Variants in PAGE2B observed in about 807,000 individuals in gnomAD.
PAGE2B encodes putative G antigen family E member 3.
Under a neutral mutation model 7.6 loss-of-function variants are expected in PAGE2B, and 5 were observed. The observed-to-expected ratio is 0.66, with a 90% CI of 0.34 to 1.38. The LOEUF (loss-of-function observed/expected upper bound fraction) is 1.38. PAGE2B is among the 40% of genes most tolerant of loss of function. PAGE2B has a pLI of 0.04. For synonymous variants in PAGE2B, 29 were observed against 26.7 expected (o/e 1.09, Z -0.27); for missense variants, 70 against 78.4 (o/e 0.89, Z 0.41).
the PAGE2B span, among the ~76,000 whole-genome samples, chrX:55,037,249 A>G: frequency 8.9e-6 from 1 of 112,349 alleles, no homozygotes; most frequent in Admixed American, 9.4e-5. Flanking sequence ...AAGGATATGA[A>G]CAGACACTTC....
chrX:55,073,994 G>T (rs1936475970), upstream of PAGE2B, among the ~76,000 whole-genome samples: 1 of 111,521 alleles, frequency 9.0e-6, no homozygotes, highest in African/African-American at 3.3e-5. Flanking sequence ...TTTGACTTGT[G>T]TGAAAAACAT....
the PAGE2B span, among the ~76,000 whole-genome samples, chrX:55,034,469 T>A: frequency 9.0e-6 from 1 of 111,193 alleles, no homozygotes; most frequent in Non-Finnish European, 1.9e-5. Context: ...TTTCAAAATA[T>A]CATAGAGTAA....
the PAGE2B span, among the ~76,000 whole-genome samples, chrX:55,030,297 C>T: frequency 1.8e-5 from 2 of 111,644 alleles, no homozygotes; most frequent in East Asian, 5.6e-4. Context: ...CACTACATTC[C>T]TCTTCCACTT....
chrX:55,050,897 T>C, the PAGE2B span, among the ~76,000 whole-genome samples: 1 of 111,937 alleles, frequency 8.9e-6, no homozygotes, highest in South Asian at 3.8e-4. Context: ...CAGTTTCTTC[T>C]TAGCCTTGAT....
the PAGE2B span, among the ~76,000 whole-genome samples, chrX:55,050,149 T>G: frequency 8.9e-6 from 1 of 112,657 alleles, no homozygotes; most frequent in Non-Finnish European, 1.9e-5. Context: ...GAGTTCTAGT[T>G]TGATTGCACT....
chrX:55,048,420 A>G, the PAGE2B span, among the ~76,000 whole-genome samples: 3 of 111,538 alleles, frequency 2.7e-5, no homozygotes, highest in Non-Finnish European at 5.6e-5. Context: ...CACAATATTG[A>G]TTCTTCCTAC....
the PAGE2B span, among the ~76,000 whole-genome samples, chrX:55,053,254 G>A: frequency 2.7e-5 from 3 of 111,639 alleles, no homozygotes; most frequent in East Asian, 8.4e-4. Flanking sequence ...ATCATCCTCA[G>A]CAAACTAACA....
At chrX:55,033,534 C>T in the PAGE2B span, among the ~76,000 whole-genome samples, 1 of 111,648 alleles carries the variant, frequency 9.0e-6, no homozygotes, top group African/African-American at 3.3e-5. Context: ...GCTCATGTAG[C>T]GTGTCCAAAG....
At chrX:55,048,818 C>T in the PAGE2B span, among the ~76,000 whole-genome samples, 8 of 111,338 alleles carry the variant, frequency 7.2e-5, no homozygotes, top group African/African-American at 2.6e-4. Context: ...GCCTGATTGC[C>T]CTGGCCAGAA....
At chrX:55,053,684 C>T in the PAGE2B span, among the ~76,000 whole-genome samples, 1 of 111,560 alleles carries the variant, frequency 9.0e-6, no homozygotes, top group Admixed American at 9.5e-5. Context: ...GAATTCTTCC[C>T]ATGTCCATTT....
the PAGE2B span, among the ~76,000 whole-genome samples, chrX:55,028,296 C>A: frequency 9.0e-6 from 1 of 111,135 alleles, no homozygotes; most frequent in Non-Finnish European, 1.9e-5. Context: ...CCTGGAATCA[C>A]GTCTGAGCAT....
At chrX:55,075,269 C>G (rs187596826) in intron 1 of PAGE2B, among the ~76,000 whole-genome samples, 155 bp downstream of exon 1, 1 of 111,709 alleles carries the variant, frequency 9.0e-6, no homozygotes, top group Non-Finnish European at 1.9e-5. Flanking sequence ...CGGGATGCCA[C>G]CGTGGGACTT....
upstream of PAGE2B, among the ~76,000 whole-genome samples, chrX:55,072,571 G>C (rs908740342): frequency 5.3e-5 from 6 of 112,578 alleles, no homozygotes; most frequent in African/African-American, 1.9e-4. Context: ...CCTTACCAGA[G>C]CTCAAGCACT....
chrX:55,073,159 C>G (rs1936466487), upstream of PAGE2B, among the ~76,000 whole-genome samples: 1 of 111,815 alleles, frequency 8.9e-6, no homozygotes, highest in African/African-American at 3.3e-5. Flanking sequence ...TCTGCCCGAA[C>G]AACTGCCCAG....
chrX:55,072,536 G>A (rs1936459899), upstream of PAGE2B, among the ~76,000 whole-genome samples: 1 of 112,588 alleles, frequency 8.9e-6, no homozygotes, highest in Non-Finnish European at 1.9e-5. Flanking sequence ...AGGGGTCAGG[G>A]ACCCACTTGA....
chrX:55,028,346 G>A, the PAGE2B span, among the ~76,000 whole-genome samples: 1 of 111,082 alleles, frequency 9.0e-6, no homozygotes, highest in Non-Finnish European at 1.9e-5. Flanking sequence ...GTAAGAAATG[G>A]ATGGCCCAGA....
At chrX:55,056,419 A>T in the PAGE2B span, among the ~76,000 whole-genome samples, 1 of 111,140 alleles carries the variant, frequency 9.0e-6, no homozygotes, top group African/African-American at 3.3e-5. Flanking sequence ...CAAGGATTAG[A>T]CTACAGCAAT....
chrX:55,049,017 G>A, the PAGE2B span, among the ~76,000 whole-genome samples: 1 of 111,264 alleles, frequency 9.0e-6, no homozygotes, highest in Non-Finnish European at 1.9e-5. Flanking sequence ...TAGCATGAAG[G>A]GTTGTTGAAT....
chrX:55,066,564 G>T, the PAGE2B span, among the ~76,000 whole-genome samples: 5 of 111,613 alleles, frequency 4.5e-5, no homozygotes, highest in South Asian at 1.9e-3. Context: ...ACTCTTCTAG[G>T]ATAAAAAATT....
Sources: gnomAD v4.1 joint callset for allele counts (sites outside exome capture counted in the v4.1 genomes callset) on GRCh38, gnomAD v4.1.1 for gene constraint, MANE v1.5 for transcripts, NCBI Gene and HGNC (gene_info 2026-07-23, HGNC 2026-07-21) for gene names.